The following ZHX3 variants were observed in gnomAD, a reference collection of about 807,000 sequenced individuals.
The protein encoded by ZHX3 is zinc fingers and homeoboxes 3.
ZHX3 carries 20 observed loss-of-function variants against 64.5 expected under a neutral mutation model. That is an observed-to-expected ratio of 0.31 (90% CI 0.22 to 0.45). The LOEUF (loss-of-function observed/expected upper bound fraction) is 0.45, where lower values mean the gene tolerates loss of function less well. Among genes scored for constraint, ZHX3 ranks in the 20% least tolerant of loss-of-function variants. The probability of loss-of-function intolerance (pLI) is 1.00; values close to 1 mark genes in which losing one functional copy is unlikely to be tolerated. For synonymous variants in ZHX3, 423 were observed against 461.6 expected (o/e 0.92, Z 1.07); for missense variants, 1,041 against 1,195.8 (o/e 0.87, Z 1.91).
chr20:41,245,311 C>T (rs1472657401), intron 2 of ZHX3, among the ~76,000 whole-genome samples: 1 of 152,238 alleles, frequency 6.6e-6, no homozygotes, highest in Non-Finnish European at 1.5e-5. Context: ...GCAGACTCCT[C>T]CATGCTGTGC....
intron 2 of ZHX3, among the ~76,000 whole-genome samples, chr20:41,225,520 T>C (rs1324500119): frequency 6.6e-6 from 1 of 152,222 alleles, no homozygotes; most frequent in African/African-American, 2.4e-5. Flanking sequence ...GGAGTCTCAC[T>C]CTTGTCGCTC....
Position 41,184,615 on chromosome 20 carries a change from T to G in ZHX3, c.*576A>C, listed in dbSNP as rs1206306317. The G allele has an allele frequency of 7.7e-6, 3 of 387,820 alleles. No individual in the cohort carries two copies. Among genetic ancestry groups the G allele is most frequent in the African/African-American group, 6.1e-5 (3 of 48,794 alleles). The allele number at this position is 387,820 out of a possible 1,614,324, so 24.0% of individuals were successfully genotyped here. On this transcript the variant is annotated 3_prime_UTR_variant, in exon 4 of 4. Transcript: ENST00000683867. ...CGGTCATCACTTAATGCAGCAGAGATCTCTTCAAAGGTACTGCTTCCTTGA... is the reference window on the plus strand; with the variant it reads ...CGGTCATCACTTAATGCAGCAGAGAGCTCTTCAAAGGTACTGCTTCCTTGA...
At chr20:41,186,110 T>C (rs919043413) in intron 3 of ZHX3, among the ~76,000 whole-genome samples, 2 of 152,238 alleles carry the variant, frequency 1.3e-5, no homozygotes, top group Non-Finnish European at 2.9e-5. Flanking sequence ...CAGCAATTTT[T>C]CATCATCCTA....
chr20:41,191,402 T>G (rs368512592), intron 3 of ZHX3, among the ~76,000 whole-genome samples: 1 of 152,226 alleles, frequency 6.6e-6, no homozygotes, highest in Non-Finnish European at 1.5e-5. Flanking sequence ...GATAAAATTA[T>G]CATTCATTTC....
At chr20:41,264,973 T>C (rs559933997) in intron 2 of ZHX3, among the ~76,000 whole-genome samples, 15 of 152,254 alleles carry the variant, frequency 9.9e-5, no homozygotes, top group Admixed American at 4.6e-4. Context: ...ATGTCAATTA[T>C]ACTTCAAGGG....
At chr20:41,306,755 C>A (rs190209224) in intron 1 of ZHX3, among the ~76,000 whole-genome samples, 2 of 152,344 alleles carry the variant, frequency 1.3e-5, no homozygotes, top group African/African-American at 2.4e-5. Context: ...ATGCTATCTT[C>A]TGTGAACTAT....
At chr20:41,262,623 T>C (rs1006650571) in intron 2 of ZHX3, among the ~76,000 whole-genome samples, 2 of 152,236 alleles carry the variant, frequency 1.3e-5, no homozygotes, top group Admixed American at 6.5e-5. Flanking sequence ...TTGCACATCA[T>C]GCCACCTCAT....
intron 2 of ZHX3, among the ~76,000 whole-genome samples, chr20:41,263,685 C>G (rs1349186825): frequency 6.6e-6 from 1 of 152,050 alleles, no homozygotes; most frequent in Non-Finnish European, 1.5e-5. Context: ...AGGCATGAGC[C>G]ACCACTCCCG....
intron 1 of ZHX3, among the ~76,000 whole-genome samples, chr20:41,270,003 A>C (rs2043051789): frequency 6.6e-6 from 1 of 152,176 alleles, no homozygotes. Context: ...ATCTTTAAAT[A>C]CATTAATCCA....
At chr20:41,253,729 G>GA (rs559338911) in intron 2 of ZHX3, among the ~76,000 whole-genome samples, 15 of 151,938 alleles carry the variant, frequency 9.9e-5, no homozygotes, top group Non-Finnish European at 1.8e-4. Context: ...TACTTCCAAA[G>GA]AAAAAACCTA....
chr20:41,223,363 T>C (rs1460537945), intron 2 of ZHX3, among the ~76,000 whole-genome samples: 1 of 152,200 alleles, frequency 6.6e-6, no homozygotes, highest in African/African-American at 2.4e-5. Context: ...ATGTATAAGG[T>C]AATCTACTAT....
Position 41,226,403 on chromosome 20 carries a change from G to T in ZHX3, c.-150-21337C>A, listed in dbSNP as rs1323195739. Reference sequence around the variant, plus strand: ...ATTTTAAGGCTAAGTAATATTCCATGATATGTATATATCATATTTTATTTA... The same window carrying T: ...ATTTTAAGGCTAAGTAATATTCCATTATATGTATATATCATATTTTATTTA... On this transcript the variant is annotated intron_variant, in intron 2 of 3. Coordinates refer to ENST00000683867, the MANE Select transcript of ZHX3 (RefSeq NM_001384317.1). This position sits in a 1 kb window ranked among gnomAD's most constrained non-coding sequence, Gnocchi z 4.4. Among the ~76,000 whole-genome samples, 1 of 152,056 alleles carries T rather than the reference G, an allele frequency of 6.6e-6. No homozygotes were observed. The highest frequency in any genetic ancestry group is 1.5e-5 in the Non-Finnish European group (1 of 68,016).
intron 1 of ZHX3, among the ~76,000 whole-genome samples, chr20:41,277,651 G>A (rs1314801691): frequency 2.0e-5 from 3 of 151,234 alleles, no homozygotes; most frequent in Non-Finnish European, 2.9e-5. Context: ...GAGTGCAGTG[G>A]TGTGATCTCC....
Position 41,202,919 on chromosome 20 carries a change from T to G in ZHX3, c.1998A>C (p.Lys666Asn). Residue 666 changes from lysine (K) to asparagine (N), a missense_variant, in exon 3 of 4, where the codon AAA becomes AAC. By Grantham distance (94) the Lys-to-Asn change is moderately conservative. Around this residue, in one of 4 missense-constraint regions of ZHX3, gnomAD observed 649 missense variants for 739.8 expected, o/e 0.88. Transcript: ENST00000683867. The surrounding 1 kb of genome is among the most constrained non-coding windows in gnomAD (Gnocchi z 7.0). ...CCTTCTTGGTCTCCTCAGCATTCAC[T>G]TTTTTCCGTCTCTCTGAAAACCAGC... ...IDSWFSERRKKVNAEETKKAE... is the reference protein window; with the variant it reads ...IDSWFSERRKNVNAEETKKAE... 1 of 1,614,174 alleles carries G rather than the reference T, an allele frequency of 6.2e-7. No individual in the cohort carries two copies. The highest frequency in any genetic ancestry group is 8.5e-7 in the Non-Finnish European group (1 of 1,180,022).
Position 41,195,700 on chromosome 20 carries a change from G to A in ZHX3, c.2860+6357C>T, listed in dbSNP as rs963790737. ...CAAAGTGTGGGGATTACAGGCATAAGCCACTGCGCCCAGCGTAAGTTCTCT... is the reference window on the plus strand; with the variant it reads ...CAAAGTGTGGGGATTACAGGCATAAACCACTGCGCCCAGCGTAAGTTCTCT... On this transcript the variant is annotated intron_variant, in intron 3 of 3. Transcript: ENST00000683867. The surrounding 1 kb of genome is among the most constrained non-coding windows in gnomAD (Gnocchi z 4.2). Among the ~76,000 whole-genome samples, 2 of 152,232 alleles carry A rather than the reference G, an allele frequency of 1.3e-5. No homozygotes were observed. Among genetic ancestry groups the A allele is most frequent in the African/African-American group, 4.8e-5 (2 of 41,456 alleles).
At position 41,195,151 on chromosome 20, in the gene ZHX3, C is replaced by T. The variant is rs1220529196; in HGVS notation, c.2860+6906G>A. On this transcript the variant is annotated intron_variant, in intron 3 of 3. Transcript: ENST00000683867. The surrounding 1 kb of genome is among the most constrained non-coding windows in gnomAD (Gnocchi z 4.2). ...AGTTTTTTTAAGACATGGGGTCTTA[C>T]GCTGTCACCCAGGCTGGAATGCAGT... is the stretch of plus-strand genomic sequence containing the variant. Among the ~76,000 whole-genome samples the T allele has an allele frequency of 3.3e-5, 5 of 152,116 alleles. No individual in the cohort carries two copies. Among genetic ancestry groups the T allele is most frequent in the Admixed American group, 6.6e-5 (1 of 15,264 alleles).
chr20:41,292,330 T>A (rs2044290052), intron 1 of ZHX3, among the ~76,000 whole-genome samples: 1 of 152,252 alleles, frequency 6.6e-6, no homozygotes, highest in Non-Finnish European at 1.5e-5. Flanking sequence ...CCTGTCCCAC[T>A]GACCAGGTCA....
At chr20:41,308,744 C>T (rs938001547) in intron 1 of ZHX3, among the ~76,000 whole-genome samples, 3 of 152,088 alleles carry the variant, frequency 2.0e-5, no homozygotes, top group Non-Finnish European at 2.9e-5. Flanking sequence ...GAGAATGGGG[C>T]AGTAAGGCTA....
At chr20:41,311,844 C>A (rs1312190328) in intron 1 of ZHX3, among the ~76,000 whole-genome samples, 2 of 152,192 alleles carry the variant, frequency 1.3e-5, no homozygotes, top group Non-Finnish European at 2.9e-5. Context: ...GGACCTGGTA[C>A]ATACGAATTC....
Sources: gnomAD v4.1 joint callset for allele counts (sites outside exome capture counted in the v4.1 genomes callset) on GRCh38, gnomAD v4.1.1 for gene constraint, gnomAD v4.1.1 regional missense constraint, Gnocchi (gnomAD v3.1) non-coding constraint, MANE v1.5 for transcripts, NCBI Gene and HGNC (gene_info 2026-07-23, HGNC 2026-07-21) for gene names.